PCDH15: variants seen among roughly 807,000 people sequenced by gnomAD.
PCDH15 encodes protocadherin-15.
In PCDH15, 129 loss-of-function variants were observed where a neutral mutation model predicts 178.5. That is an observed-to-expected ratio of 0.72 (90% CI 0.63 to 0.84). The LOEUF (loss-of-function observed/expected upper bound fraction) is 0.84, where lower values mean the gene tolerates loss of function less well. Ranked by LOEUF, PCDH15 falls within the 40% of genes least tolerant of loss-of-function variation. The pLI, the probability that PCDH15 is intolerant of heterozygous loss-of-function variation, is 0.00. For missense variants in PCDH15, 2,230 were observed against 2,099.9 expected (o/e 1.06, Z -1.21); for synonymous variants, 800 against 732.0 (o/e 1.09, Z -1.50).
chr10:54,537,404 T>C (rs2084699483), intron 2 of PCDH15, among the ~76,000 whole-genome samples: 1 of 152,146 alleles, frequency 6.6e-6, no homozygotes, highest in African/African-American at 2.4e-5. Context: ...GAGGAGAGTC[T>C]GCTCCCTAAC....
At chr10:53,839,891 T>A (rs543618764) in intron 29 of PCDH15, among the ~76,000 whole-genome samples, 7 of 152,344 alleles carry the variant, frequency 4.6e-5, no homozygotes, top group Middle Eastern at 3.4e-3. Context: ...AAAGCAGATA[T>A]TGATTTTTGC....
chr10:53,969,691 A>G (rs3105656), intron 21 of PCDH15, among the ~76,000 whole-genome samples: 107,327 of 152,130 alleles, frequency 0.71, 38,256 homozygotes, highest in East Asian at 0.87. Flanking sequence ...AGAAGAGAGC[A>G]GGGGACAATA....
chr10:55,115,126 A>G (rs1468720635), intron 2 of PCDH15, among the ~76,000 whole-genome samples: 2 of 152,208 alleles, frequency 1.3e-5, no homozygotes, highest in Admixed American at 1.3e-4. Flanking sequence ...TCTATACTTG[A>G]ACCATTTGTT....
chr10:55,540,673 T>A (rs1393600481), intron 2 of PCDH15, among the ~76,000 whole-genome samples: 2 of 152,066 alleles, frequency 1.3e-5, no homozygotes, highest in African/African-American at 4.8e-5. Flanking sequence ...AGGACAGGCT[T>A]TCCTCGAATA....
At chr10:54,088,547 T>C (rs974600274) in intron 16 of PCDH15, among the ~76,000 whole-genome samples, 5 of 152,192 alleles carry the variant, frequency 3.3e-5, no homozygotes, top group African/African-American at 9.7e-5. Flanking sequence ...TTTTTAAAAA[T>C]TGACGAGACC....
intron 18 of PCDH15, among the ~76,000 whole-genome samples, chr10:54,065,927 C>G (rs1214357740): frequency 6.6e-6 from 1 of 152,052 alleles, no homozygotes; most frequent in Non-Finnish European, 1.5e-5. Flanking sequence ...AGTAGAGAAG[C>G]CTCACTTGAA....
intron 4 of PCDH15, among the ~76,000 whole-genome samples, chr10:54,377,071 A>C (rs1201735014): frequency 6.6e-6 from 1 of 152,046 alleles, no homozygotes; most frequent in African/African-American, 2.4e-5. Flanking sequence ...ATGTATTATA[A>C]ATTTTATGTA....
chr10:55,562,424 T>C (rs1001352199), intron 2 of PCDH15, among the ~76,000 whole-genome samples: 5 of 152,040 alleles, frequency 3.3e-5, no homozygotes, highest in Non-Finnish European at 7.4e-5. Context: ...TTTAAAACTT[T>C]TGTTTAGCCT....
intron 28 of PCDH15, among the ~76,000 whole-genome samples, chr10:53,847,325 C>A (rs548260646): frequency 1.3e-5 from 2 of 152,050 alleles, no homozygotes; most frequent in South Asian, 4.1e-4. Flanking sequence ...AGAGTTCCAC[C>A]CCAAGTGCTT....
At chr10:55,386,067 A>G (rs180905515) in intron 2 of PCDH15, among the ~76,000 whole-genome samples, 32 of 152,030 alleles carry the variant, frequency 2.1e-4, no homozygotes, top group African/African-American at 7.5e-4. Context: ...TTCTAGCACC[A>G]TAAGTCAAAT....
At chr10:54,849,178 C>A (rs186633072) in intron 3 of PCDH15, among the ~76,000 whole-genome samples, 6 of 151,986 alleles carry the variant, frequency 3.9e-5, no homozygotes, top group African/African-American at 1.4e-4. Context: ...ATTTCACCTT[C>A]TTCTTTCTTC....
At chr10:54,587,780 T>C (rs1175132519) in intron 2 of PCDH15, among the ~76,000 whole-genome samples, 1 of 152,082 alleles carries the variant, frequency 6.6e-6, no homozygotes, top group Non-Finnish European at 1.5e-5. Flanking sequence ...TAAGAGGGAA[T>C]TGGCCAGCAT....
chr10:54,655,278 G>GAC (rs2094361391), intron 2 of PCDH15, among the ~76,000 whole-genome samples: 1 of 140,594 alleles, frequency 7.1e-6, no homozygotes, highest in African/African-American at 2.8e-5. Flanking sequence ...GAGAGAGAGA[G>GAC]AGAGAGAGAG....
chr10:54,863,502 A>G (rs1054530594), intron 3 of PCDH15, among the ~76,000 whole-genome samples: 1 of 152,200 alleles, frequency 6.6e-6, no homozygotes, highest in Non-Finnish European at 1.5e-5. Context: ...AGATCGTGCC[A>G]CTGCGCTCCA....
intron 2 of PCDH15, among the ~76,000 whole-genome samples, chr10:55,527,717 T>G (rs535048295): frequency 1.3e-5 from 2 of 152,162 alleles, no homozygotes; most frequent in East Asian, 3.9e-4. Context: ...AAACAAAAAT[T>G]TGACTTTTAT....
At chr10:53,863,124 A>G (rs1346044594) in intron 27 of PCDH15, among the ~76,000 whole-genome samples, 2 of 152,202 alleles carry the variant, frequency 1.3e-5, no homozygotes, top group Non-Finnish European at 2.9e-5. Context: ...ATAAATATGC[A>G]AATCTGGTGT....
chr10:55,352,997 C>G (rs1844980297), intron 2 of PCDH15, among the ~76,000 whole-genome samples: 2 of 152,090 alleles, frequency 1.3e-5, no homozygotes, highest in Admixed American at 1.3e-4. Context: ...AGAAAGGGCC[C>G]AATTCTCCAT....
intron 2 of PCDH15, among the ~76,000 whole-genome samples, chr10:55,533,627 A>C (rs1841507090): frequency 6.6e-6 from 1 of 152,080 alleles, no homozygotes; most frequent in African/African-American, 2.4e-5. Context: ...TAGAAAAATA[A>C]GTATCATTAA....
rs559423346 is a variant in PCDH15, at chr10:54,119,492, A to T, written c.1917+13383T>A. Among the ~76,000 whole-genome samples, 3 of 152,266 alleles carry T rather than the reference A, an allele frequency of 2.0e-5. No homozygotes were observed. The East Asian group carries it at 5.8e-4, about 29-fold the overall frequency. On this transcript the variant is annotated intron_variant, in intron 15 of 37. Coordinates refer to ENST00000644397, the MANE Select transcript of PCDH15 (RefSeq NM_001384140.1). ...GTACAATGTCTTCAAGAAATAAAGG[A>T]TTATGTAAAACAATCAAACCTATTA... is the stretch of plus-strand genomic sequence containing the variant.
Sources: allele counts gnomAD v4.1 joint callset (sites outside exome capture counted in the v4.1 genomes callset), GRCh38; gene constraint gnomAD v4.1.1; transcripts MANE v1.5; gene names NCBI Gene and HGNC (gene_info 2026-07-23, HGNC 2026-07-21).